The following KALRN variants were observed in gnomAD, a reference collection of about 807,000 sequenced individuals.
The protein encoded by KALRN is kalirin RhoGEF kinase.
Under a neutral mutation model 353.7 loss-of-function variants are expected in KALRN, and 70 were observed. The ratio of observed to expected loss-of-function variants is 0.20; its 90% confidence interval spans 0.16 to 0.24. The LOEUF is 0.24. Ranked by LOEUF, KALRN falls within the 10% of genes least tolerant of loss-of-function variation. The probability of loss-of-function intolerance (pLI) is 1.00; values close to 1 mark genes in which losing one functional copy is unlikely to be tolerated. For missense variants in KALRN, 2,791 were observed against 3,756.7 expected (o/e 0.74, Z 6.72); for synonymous variants, 1,391 against 1,434.8 (o/e 0.97, Z 0.69).
intron 29 of KALRN, chr3:124,488,579 G>T (rs774187475): frequency 1.1e-5 from 4 of 380,778 alleles, no homozygotes; most frequent in Middle Eastern, 7.4e-4. Context: ...TCCAGGACAG[G>T]CCATCACCCT....
intron 33 of KALRN, among the ~76,000 whole-genome samples, chr3:124,540,511 A>C (rs531383409): frequency 6.6e-6 from 1 of 152,330 alleles, no homozygotes; most frequent in South Asian, 2.1e-4. Context: ...GTGGGTAGCC[A>C]TGCACAGGTA....
intron 33 of KALRN, among the ~76,000 whole-genome samples, chr3:124,500,990 C>G (rs939673679): frequency 1.0e-5 from 1 of 95,468 alleles, no homozygotes; most frequent in African/African-American, 3.9e-5. Context: ...CTGAATCCAG[C>G]TAATGGTACA....
At chr3:124,157,747 G>A (rs1350691493) in intron 1 of KALRN, among the ~76,000 whole-genome samples, 2 of 152,228 alleles carry the variant, frequency 1.3e-5, no homozygotes, top group Non-Finnish European at 2.9e-5. Flanking sequence ...CTGCTGTCCT[G>A]TGTGGTATTT....
chr3:124,324,214 A>G (rs1403935245), intron 6 of KALRN, among the ~76,000 whole-genome samples: 1 of 152,196 alleles, frequency 6.6e-6, no homozygotes, highest in Admixed American at 6.5e-5. Flanking sequence ...ATGCCCAAGT[A>G]AACTGTCTCT....
chr3:124,446,129 T>A, intron 19 of KALRN, 32 bp from the exon 20 acceptor site: 1 of 1,501,236 alleles, frequency 6.7e-7, no homozygotes, highest in Non-Finnish European at 9.3e-7. Context: ...TCAGAGCCCC[T>A]TGTGACCATC....
chr3:124,236,474 C>G (rs1203151222), intron 3 of KALRN, among the ~76,000 whole-genome samples: 1 of 152,116 alleles, frequency 6.6e-6, no homozygotes, highest in East Asian at 1.9e-4. Flanking sequence ...TTTTCTGAAG[C>G]AATTTACAAT....
intron 55 of KALRN, among the ~76,000 whole-genome samples, chr3:124,699,330 G>A (rs868134555): frequency 5.3e-5 from 8 of 152,268 alleles, no homozygotes; most frequent in Middle Eastern, 3.4e-3. Flanking sequence ...TTCTACATCT[G>A]TAAAGTAAGA....
intron 33 of KALRN, among the ~76,000 whole-genome samples, chr3:124,547,443 G>C (rs970107868): frequency 6.6e-6 from 1 of 151,968 alleles, no homozygotes; most frequent in African/African-American, 2.4e-5. Context: ...CTCCTGAGTA[G>C]CTGGTTCTAC....
chr3:124,454,549 C>A (rs114959433), intron 21 of KALRN, among the ~76,000 whole-genome samples: 4,036 of 152,246 alleles, frequency 0.027, 191 homozygotes, highest in African/African-American at 0.09. Flanking sequence ...TTACTGTCTT[C>A]CACTGTACTA....
chr3:124,604,855 TA>T (rs10708914), intron 34 of KALRN, among the ~76,000 whole-genome samples: 87,384 of 145,904 alleles, frequency 0.6, 25,827 homozygotes, highest in East Asian at 0.83. Context: ...CCTGGCTAAT[TA>T]AAAAAAAAAA....
intron 34 of KALRN, among the ~76,000 whole-genome samples, chr3:124,591,377 A>G (rs1489892344): frequency 3.3e-5 from 5 of 152,176 alleles, no homozygotes; most frequent in East Asian, 1.9e-4. Context: ...GACACAAGCA[A>G]TCCTCTCATC....
intron 32 of KALRN, among the ~76,000 whole-genome samples, chr3:124,495,961 GTATGTA>G (rs2063696035): frequency 7.9e-5 from 3 of 37,894 alleles, no homozygotes; most frequent in African/African-American, 3.1e-4. Context: ...GTATGTGTAT[GTATGTA>G]TATATATATA....
chr3:124,518,900 A>C (rs2066925137), intron 33 of KALRN: 1 of 1,011,948 alleles, frequency 9.9e-7, no homozygotes, highest in African/African-American at 1.7e-5. Context: ...TTCTATTATC[A>C]GTGGCCCCTA....
chr3:124,494,950 C>T (rs1359944305), intron 32 of KALRN, among the ~76,000 whole-genome samples: 1 of 152,192 alleles, frequency 6.6e-6, no homozygotes, highest in Non-Finnish European at 1.5e-5. Context: ...TGCTAATTCA[C>T]CCAACTCCAA....
intron 1 of KALRN, among the ~76,000 whole-genome samples, chr3:124,114,403 G>C (rs2063277058): frequency 6.6e-6 from 1 of 152,192 alleles, no homozygotes; most frequent in African/African-American, 2.4e-5. Flanking sequence ...GCTGTCTGCT[G>C]TTTTCATGAG....
intron 58 of KALRN, 115 bp downstream of exon 58, chr3:124,713,250 G>A: frequency 2.5e-6 from 2 of 787,392 alleles, no homozygotes; most frequent in East Asian, 2.6e-5. Context: ...TTTGCAAAGT[G>A]CTGCATATAA....
chr3:124,196,654 T>C (rs1005594249), intron 1 of KALRN, among the ~76,000 whole-genome samples: 17 of 152,312 alleles, frequency 1.1e-4, no homozygotes, highest in African/African-American at 4.1e-4. Context: ...CACATATATA[T>C]GACAAAAATA....
intron 1 of KALRN, among the ~76,000 whole-genome samples, chr3:124,056,242 G>C (rs1360625611): frequency 6.6e-6 from 1 of 152,072 alleles, no homozygotes; most frequent in African/African-American, 2.4e-5. Context: ...AAATTTGTTT[G>C]TGTTTATTTT....
chr3:124,424,556 T>C (rs1474660869), intron 15 of KALRN, among the ~76,000 whole-genome samples: 1 of 152,114 alleles, frequency 6.6e-6, no homozygotes, highest in Non-Finnish European at 1.5e-5. Flanking sequence ...ATGCTAAAGA[T>C]CTGTATTCAG....
Sources: allele counts gnomAD v4.1 joint callset (sites outside exome capture counted in the v4.1 genomes callset), GRCh38; gene constraint gnomAD v4.1.1; transcripts MANE v1.5; gene names NCBI Gene and HGNC (gene_info 2026-07-23, HGNC 2026-07-21).